The following BMPR2 variants were observed in gnomAD, a reference collection of about 807,000 sequenced individuals.
BMPR2 encodes the protein bone morphogenetic protein receptor type-2.
Under a neutral mutation model 100.8 loss-of-function variants are expected in BMPR2, and 29 were observed. That is an observed-to-expected ratio of 0.29 (90% confidence interval 0.21 to 0.39). The LOEUF is 0.39. Ranked by LOEUF, BMPR2 falls within the 10% of genes least tolerant of loss-of-function variation. The pLI is 1.00. For synonymous variants in BMPR2, 382 were observed against 442.3 expected, an observed-to-expected ratio of 0.86 and a Z score of 1.71; for missense variants, 1,011 against 1,274.5, an observed-to-expected ratio of 0.79 and a Z score of 3.15.
intron 3 of BMPR2, among the ~76,000 whole-genome samples, chr2:202,504,524 AC>A (rs974570266): frequency 2.7e-4 from 41 of 152,040 alleles, no homozygotes; most frequent in Non-Finnish European, 3.7e-4. Context: ...CAAACTCCAG[AC>A]GCACCACCTG....
At chr2:202,473,897 G>A (rs1692485153) in intron 3 of BMPR2, among the ~76,000 whole-genome samples, 1 of 152,068 alleles carries the variant, frequency 6.6e-6, no homozygotes, top group Admixed American at 6.6e-5. Flanking sequence ...ATGAGGTCAG[G>A]AGTTCAAGAT....
intron 3 of BMPR2, among the ~76,000 whole-genome samples, chr2:202,483,424 C>T (rs1287894435): frequency 1.3e-5 from 2 of 151,490 alleles, no homozygotes; most frequent in African/African-American, 4.9e-5. Flanking sequence ...CTCTGTTGCC[C>T]AGGCTGGAGT....
intron 9 of BMPR2, among the ~76,000 whole-genome samples, chr2:202,540,123 A>C (rs888055759): frequency 6.6e-6 from 1 of 152,178 alleles, no homozygotes; most frequent in Non-Finnish European, 1.5e-5. Context: ...CATTGCATTC[A>C]TAAAAGATTG....
Position 202,503,083 on chromosome 2 carries a change from C to T in BMPR2, c.419-10636C>T, listed in dbSNP as rs1687434580. ...GCACTTCCCCTGGCCTAGAGAGTTC[C>T]CCTCTGAAGGACACTACAACTGCAG... On this transcript the variant is annotated intron_variant, in intron 3 of 12. Transcript: ENST00000374580. The surrounding 1 kb of genome is among the most constrained non-coding windows in gnomAD (Gnocchi z 4.0). Among the ~76,000 whole-genome samples the T allele has an allele frequency of 6.6e-6, 1 of 152,230 alleles. No individual in the cohort carries two copies. Among genetic ancestry groups the T allele is most frequent in the South Asian group, 2.1e-4 (1 of 4,830 alleles).
intron 1 of BMPR2, among the ~76,000 whole-genome samples, chr2:202,383,670 G>A (rs192916839): frequency 0.012 from 1,515 of 130,652 alleles, 29 homozygotes; most frequent in Admixed American, 0.041. Flanking sequence ...GCGAAACTCT[G>A]TCAAAAAAAA....
chr2:202,475,667 T>C (rs1425978263), intron 3 of BMPR2, among the ~76,000 whole-genome samples: 1 of 152,160 alleles, frequency 6.6e-6, no homozygotes, highest in African/African-American at 2.4e-5. Flanking sequence ...TCCTTTTTCA[T>C]GTTGGGGTTT....
At chr2:202,496,500 A>C (rs1693030501) in intron 3 of BMPR2, among the ~76,000 whole-genome samples, 2 of 148,448 alleles carry the variant, frequency 1.3e-5, no homozygotes, top group African/African-American at 5.0e-5. Context: ...AAAAAAAATC[A>C]AAAGAACAAA....
Position 202,560,860 on chromosome 2 carries a change from A to G in BMPR2, c.*914A>G, listed in dbSNP as rs1688668410. 1 of 152,284 alleles carries G rather than the reference A, an allele frequency of 6.6e-6. No individual in the cohort carries two copies. The highest frequency in any genetic ancestry group is 1.5e-5 in the Non-Finnish European group (1 of 68,016). 9.4% of individuals were successfully genotyped at this position (152,284 alleles called of 1,614,324 possible). ...CCCATTTTATTTTATTTTTCTATGT[A>G]GGTTCATGTTCCATGTTCATTTATT... On this transcript the variant is annotated 3_prime_UTR_variant, in exon 13 of 13. Transcript: ENST00000374580.
intron 3 of BMPR2, among the ~76,000 whole-genome samples, chr2:202,496,742 G>A (rs895053223): frequency 1.6e-4 from 25 of 152,346 alleles, no homozygotes; most frequent in South Asian, 8.3e-4. Context: ...AGGTGACAGC[G>A]TGCTGGCAGT....
At position 202,514,936 on chromosome 2, in the gene BMPR2, C is replaced by G; in HGVS notation, c.578C>G (p.Ala193Gly). The change falls in exon 5 of 13, where the codon GCA becomes GGA. Residue 193 changes from alanine to glycine, a missense_variant. Ala to Gly is a moderately conservative substitution (Grantham distance 60, BLOSUM62 0). Transcript: ENST00000374580. Reference sequence around the variant, plus strand: ...AGTATGAACATGATGGAGGCAGCAGCATCCGAACCCTCTCTTGATCTAGAT... The same window carrying G: ...AGTATGAACATGATGGAGGCAGCAGGATCCGAACCCTCTCTTGATCTAGAT... ...LHSMNMMEAA[A>G]SEPSLDLDNL... 6.2e-7 allele frequency: 1 copy of G among 1,614,164 alleles called. No individual in the cohort carries two copies. The highest frequency in any genetic ancestry group is 8.5e-7 in the Non-Finnish European group (1 of 1,180,034).
chr2:202,422,158 C>G (rs866369460), intron 1 of BMPR2, among the ~76,000 whole-genome samples: 1 of 152,140 alleles, frequency 6.6e-6, no homozygotes, highest in Non-Finnish European at 1.5e-5. Context: ...CTGCCCGCGT[C>G]GGCCTCCCAG....
At position 202,556,496 on chromosome 2, in the gene BMPR2, C is replaced by T; in HGVS notation, c.2831C>T (p.Ser944Leu). 1.2e-6 allele frequency: 2 copies of T among 1,613,848 alleles called. No homozygotes were observed. Among genetic ancestry groups the T allele is most frequent in the African/African-American group, 2.7e-5 (2 of 75,056 alleles). The change falls in exon 12 of 13, where the codon TCA becomes TTA. Residue 944 changes from serine (S) to leucine (L), a missense_variant. By Grantham distance (145) the Ser-to-Leu change is moderately radical (BLOSUM62 -2). Transcript: ENST00000374580. Reference protein sequence around the residue: ...RAQRPNSLDLSATNVLDGSSI... With the variant: ...RAQRPNSLDLLATNVLDGSSI... ...CAGAGGCCTAATTCTCTGGATCTTTCAGCCACAAATGTCCTGGATGGCAGC... is the reference window on the plus strand; with the variant it reads ...CAGAGGCCTAATTCTCTGGATCTTTTAGCCACAAATGTCCTGGATGGCAGC...
In BMPR2 at chr2:202,446,457, A is replaced by T. The variant is rs903337603; in HGVS notation, c.77-18352A>T. On this transcript the variant is annotated intron_variant, in intron 1 of 12. Coordinates refer to ENST00000374580, the MANE Select transcript of BMPR2 (RefSeq NM_001204.7). ...AATAATTTTATTTCATTAGATATGC[A>T]TAATAATTTTTAGCTCTACAATTTT... is the stretch of plus-strand genomic sequence containing the variant. Among the ~76,000 whole-genome samples the T allele has an allele frequency of 1.3e-5, 2 of 150,576 alleles. 1 individual carries two copies. Among genetic ancestry groups the T allele is most frequent in the African/African-American group, 5.0e-5 (2 of 39,948 alleles).
At chr2:202,506,096 C>G (rs1305820622) in intron 3 of BMPR2, among the ~76,000 whole-genome samples, 1 of 152,174 alleles carries the variant, frequency 6.6e-6, no homozygotes, top group Non-Finnish European at 1.5e-5. Flanking sequence ...AACTCACATG[C>G]CAATGTTCTC....
chr2:202,555,849 T>C lies in BMPR2; in HGVS notation c.2184T>C (p.Asn728=). 6.2e-7 allele frequency: 1 copy of C among 1,614,112 alleles called. No individual in the cohort carries two copies. Residue 728 remains asparagine (N), a synonymous_variant, in exon 12 of 13, where the codon AAT becomes AAC. Coordinates refer to ENST00000374580, the MANE Select transcript of BMPR2 (RefSeq NM_001204.7). ...TGQQDFTQTA[N]GQACLIPDVL... is the part of the protein sequence containing the mutation. ...AGCAGGACTTCACACAGACTGCAAATGGCCAAGCATGTTTGATTCCTGATG... is the reference window on the plus strand; with the variant it reads ...AGCAGGACTTCACACAGACTGCAAACGGCCAAGCATGTTTGATTCCTGATG...
intron 1 of BMPR2, among the ~76,000 whole-genome samples, chr2:202,387,608 T>C (rs954957369): frequency 3.9e-5 from 6 of 152,276 alleles, no homozygotes; most frequent in Admixed American, 2.6e-4. Context: ...TCTCTTCTTT[T>C]GCTGTAAATG....
At chr2:202,470,562 C>T (rs1692415098) in intron 3 of BMPR2, among the ~76,000 whole-genome samples, 1 of 148,548 alleles carries the variant, frequency 6.7e-6, no homozygotes, top group African/African-American at 2.5e-5. Flanking sequence ...GAGATCGAGA[C>T]CATCCTGGCT....
chr2:202,461,256 G>C (rs1692219169), intron 1 of BMPR2, among the ~76,000 whole-genome samples: 1 of 152,202 alleles, frequency 6.6e-6, no homozygotes, highest in Non-Finnish European at 1.5e-5. Context: ...GGGAGGCCAA[G>C]GTGGGTGGAT....
intron 7 of BMPR2, among the ~76,000 whole-genome samples, chr2:202,525,985 C>T (rs1687904443): frequency 6.6e-6 from 1 of 150,686 alleles, no homozygotes; most frequent in Non-Finnish European, 1.5e-5. Context: ...CCTGCCTCAG[C>T]CTCCCGAGTA....
Sources: gnomAD v4.1 joint callset for allele counts (sites outside exome capture counted in the v4.1 genomes callset) on GRCh38, gnomAD v4.1.1 for gene constraint, Gnocchi (gnomAD v3.1) non-coding constraint, MANE v1.5 for transcripts, NCBI Gene and HGNC (gene_info 2026-07-23, HGNC 2026-07-21) for gene names.